The following USH2A variants were observed in gnomAD, a reference collection of about 807,000 sequenced individuals.
The protein encoded by USH2A is Usher syndrome 2A (autosomal recessive, mild).
In USH2A, 443 loss-of-function variants were observed where a neutral mutation model predicts 538.9. The ratio of observed to expected loss-of-function variants is 0.82; its 90% CI spans 0.76 to 0.89. USH2A has a LOEUF of 0.89. Among genes scored for constraint, USH2A ranks in the 40% least tolerant of loss-of-function variants. The pLI is 0.00. For missense variants in USH2A, 6,633 were observed against 6,324.8 expected, an observed-to-expected ratio of 1.05 and a Z score of -1.65; for synonymous variants, 2,413 against 2,273.5, an observed-to-expected ratio of 1.06 and a Z score of -1.75.
chr1:216,117,775 C>T (rs1293086671), intron 21 of USH2A, among the ~76,000 whole-genome samples: 1 of 151,320 alleles, frequency 6.6e-6, no homozygotes, highest in Non-Finnish European at 1.5e-5. Context: ...CACACAGAAA[C>T]ACAGACACAC....
chr1:216,413,362 A>G (rs948382106), intron 3 of USH2A, among the ~76,000 whole-genome samples: 1 of 152,078 alleles, frequency 6.6e-6, no homozygotes, highest in Non-Finnish European at 1.5e-5. Flanking sequence ...ATAAGGTGAC[A>G]TGGATGTTTT....
intron 14 of USH2A, among the ~76,000 whole-genome samples, chr1:216,230,141 T>C (rs2035647708): frequency 6.6e-6 from 1 of 152,120 alleles, no homozygotes; most frequent in Admixed American, 6.6e-5. Flanking sequence ...TTGGGGAAGA[T>C]ATTTTTCTCC....
At chr1:215,757,787 T>C (rs1660855633) in intron 58 of USH2A, among the ~76,000 whole-genome samples, 1 of 152,188 alleles carries the variant, frequency 6.6e-6, no homozygotes, top group South Asian at 2.1e-4. Context: ...CAATGAAGGC[T>C]ATTCAGCTTA....
At chr1:215,885,816 G>A (rs1351944823) in intron 41 of USH2A, among the ~76,000 whole-genome samples, 1 of 152,126 alleles carries the variant, frequency 6.6e-6, no homozygotes, top group Non-Finnish European at 1.5e-5. Flanking sequence ...AAACCACATT[G>A]CACAAAATGA....
intron 58 of USH2A, among the ~76,000 whole-genome samples, chr1:215,751,083 T>A (rs1224488319): frequency 6.6e-6 from 1 of 152,132 alleles, no homozygotes; most frequent in Admixed American, 6.5e-5. Flanking sequence ...TCCCAATTAA[T>A]GTAATGTGAA....
intron 3 of USH2A, among the ~76,000 whole-genome samples, chr1:216,388,870 C>CT (rs1391885951): frequency 5.3e-5 from 8 of 152,324 alleles, no homozygotes; most frequent in African/African-American, 9.6e-5. Context: ...CAGGTCTTTC[C>CT]TTGCCTCTCA....
rs397517965 is a variant in USH2A, at chr1:216,325,421, A to C, written c.1027T>G (p.Ser343Ala). The change falls in exon 6 of 72, where the codon TCT (serine) becomes GCT (alanine). Residue 343 changes from serine (S) to alanine (A), a missense_variant. By Grantham distance (99) the Ser-to-Ala change is moderately conservative. Coordinates refer to ENST00000307340, the MANE Select transcript of USH2A (RefSeq NM_206933.4). ...SRLNPEAHPL[S>A]FVNDNDVGTS... Reference sequence around the variant, plus strand: ...CCAACATCATTATCATTGACAAAAGAGAGAGGATGGGCTTCAGGATTCAAC... The same window carrying C: ...CCAACATCATTATCATTGACAAAAGCGAGAGGATGGGCTTCAGGATTCAAC... 1.2e-6 allele frequency: 2 copies of C among 1,613,930 alleles called. No homozygotes were observed. The highest frequency in any genetic ancestry group is 4.5e-5 in the East Asian group (2 of 44,828).
At chr1:215,986,121 C>T (rs1456614175) in intron 35 of USH2A, among the ~76,000 whole-genome samples, 1 of 151,624 alleles carries the variant, frequency 6.6e-6, no homozygotes, top group Non-Finnish European at 1.5e-5. Context: ...GCTTCTCCCT[C>T]TCTCTCTTTT....
chr1:216,180,487 C>G (rs529331136), intron 20 of USH2A, among the ~76,000 whole-genome samples: 1 of 151,986 alleles, frequency 6.6e-6, no homozygotes, highest in Non-Finnish European at 1.5e-5. Context: ...AGTAGTATAT[C>G]CAAATGAATA....
chr1:216,149,468 A>C (rs1572001565), intron 21 of USH2A, among the ~76,000 whole-genome samples: 1 of 152,126 alleles, frequency 6.6e-6, no homozygotes, highest in South Asian at 2.1e-4. Context: ...TGGTCTTTTA[A>C]AAGGCACACC....
At chr1:215,882,776 C>T (rs1377696900) in intron 41 of USH2A, among the ~76,000 whole-genome samples, 1 of 151,910 alleles carries the variant, frequency 6.6e-6, no homozygotes, top group Non-Finnish European at 1.5e-5. Context: ...ATGGACACAC[C>T]CTATTATTTT....
At chr1:216,045,365 T>C (rs958457505) in intron 32 of USH2A, among the ~76,000 whole-genome samples, 6 of 152,158 alleles carry the variant, frequency 3.9e-5, no homozygotes, top group African/African-American at 1.4e-4. Flanking sequence ...TTTTCAAGAA[T>C]TTACTTCATT....
chr1:215,691,448 T>G (rs1486485992), intron 61 of USH2A, among the ~76,000 whole-genome samples: 1 of 152,170 alleles, frequency 6.6e-6, no homozygotes, highest in African/African-American at 2.4e-5. Flanking sequence ...CCTTGAGGCC[T>G]CTGTACTGGC....
At chr1:216,191,699 A>T (rs911482482) in intron 19 of USH2A, among the ~76,000 whole-genome samples, 3 of 151,948 alleles carry the variant, frequency 2.0e-5, no homozygotes, top group Admixed American at 6.6e-5. Flanking sequence ...TAAACTTATG[A>T]ATATTGCTGT....
At chr1:215,627,505 T>G (rs1047470035) in intron 71 of USH2A, among the ~76,000 whole-genome samples, 2 of 134,258 alleles carry the variant, frequency 1.5e-5, no homozygotes, top group African/African-American at 5.6e-5. Flanking sequence ...TCCTTCCTTC[T>G]TTCCTTCCTT....
intron 44 of USH2A, among the ~76,000 whole-genome samples, chr1:215,863,672 G>T (rs938067332): frequency 6.6e-6 from 1 of 152,140 alleles, no homozygotes; most frequent in Non-Finnish European, 1.5e-5. Context: ...AGAGAGGGTA[G>T]AAGAAGAGAA....
chr1:215,900,448 G>A (rs1665463691), intron 39 of USH2A, among the ~76,000 whole-genome samples: 1 of 152,098 alleles, frequency 6.6e-6, no homozygotes, highest in Non-Finnish European at 1.5e-5. Context: ...CTGCCATGTG[G>A]ATTTGTAGAA....
At chr1:216,078,652 A>G (rs1037957362) in intron 26 of USH2A, among the ~76,000 whole-genome samples, 1 of 152,184 alleles carries the variant, frequency 6.6e-6, no homozygotes, top group South Asian at 2.1e-4. Flanking sequence ...TTGCTGCAAC[A>G]TAGTTAGAAG....
In USH2A at chr1:215,900,335, T is replaced by G. The variant is rs552215528; in HGVS notation, c.7452-118A>C. The G allele has an allele frequency of 1.1e-4, 122 of 1,101,414 alleles. 1 individual carries two copies. The East Asian group carries it at 2.9e-3, about 27-fold the overall frequency. The allele number at this position is 1,101,414 out of a possible 1,614,324, so 68.2% of individuals were successfully genotyped here. On this transcript the variant is annotated intron_variant, in intron 39 of 71. Transcript: ENST00000307340. Reference sequence around the variant, plus strand: ...GTCAACATACATTTAAGTATTGTAATTTTCTGCCATCAAATGAGATCTCTT... The same window carrying G: ...GTCAACATACATTTAAGTATTGTAAGTTTCTGCCATCAAATGAGATCTCTT...
Sources: allele counts gnomAD v4.1 joint callset (sites outside exome capture counted in the v4.1 genomes callset), GRCh38; gene constraint gnomAD v4.1.1; transcripts MANE v1.5; gene names NCBI Gene and HGNC (gene_info 2026-07-23, HGNC 2026-07-21).